The following ZC3H12B variants were observed in gnomAD, a reference collection of about 807,000 sequenced individuals.
The protein encoded by ZC3H12B is zinc finger CCCH-type containing 12B.
In ZC3H12B, 7 loss-of-function variants were observed where a neutral mutation model predicts 43.9. The ratio of observed to expected loss-of-function variants is 0.16; its 90% CI spans 0.09 to 0.30. The LOEUF is 0.30. Ranked by LOEUF, ZC3H12B falls within the 10% of genes least tolerant of loss-of-function variation. The pLI is 1.00. For synonymous variants in ZC3H12B, 222 were observed against 241.7 expected (o/e 0.92, Z 0.76); for missense variants, 475 against 670.2 (o/e 0.71, Z 3.22).
the ZC3H12B span, among the ~76,000 whole-genome samples, chrX:65,051,800 G>T: frequency 1.8e-5 from 2 of 110,257 alleles, no homozygotes; most frequent in Non-Finnish European, 3.8e-5. Context: ...ACTTTGGCAG[G>T]CAGGGGATAG....
chrX:65,340,478 G>A, the ZC3H12B span, among the ~76,000 whole-genome samples: 1 of 111,717 alleles, frequency 9.0e-6, no homozygotes, highest in East Asian at 2.8e-4. Context: ...CAGTGGTCTG[G>A]CAGCACCTCC....
At chrX:65,080,840 G>T in the ZC3H12B span, among the ~76,000 whole-genome samples, 2 of 111,656 alleles carry the variant, frequency 1.8e-5, no homozygotes, top group African/African-American at 3.2e-5. Flanking sequence ...ATTATAACAT[G>T]TCACTGTGGT....
the ZC3H12B span, among the ~76,000 whole-genome samples, chrX:65,184,430 C>T: frequency 2.7e-5 from 3 of 111,193 alleles, no homozygotes; most frequent in African/African-American, 6.5e-5. Context: ...GCAGAACTCC[C>T]CATCCTGCTA....
chrX:65,492,308 G>A (rs759928386), intron 1 of ZC3H12B, among the ~76,000 whole-genome samples: 1 of 112,001 alleles, frequency 8.9e-6, no homozygotes, highest in East Asian at 2.8e-4. Context: ...TGGTTCTTTC[G>A]CTTTTTAAGG....
the ZC3H12B span, among the ~76,000 whole-genome samples, chrX:65,214,124 T>C: frequency 3.6e-5 from 4 of 111,526 alleles, no homozygotes; most frequent in African/African-American, 1.3e-4. Context: ...TGAGTTGTAA[T>C]ATTTTTACTG....
chrX:65,071,794 C>T, the ZC3H12B span, among the ~76,000 whole-genome samples: 2 of 112,029 alleles, frequency 1.8e-5, no homozygotes, highest in African/African-American at 6.5e-5. Flanking sequence ...TTTCTTCTGG[C>T]TTGTAGGATT....
chrX:65,296,206 CA>C, the ZC3H12B span, among the ~76,000 whole-genome samples: 7 of 111,500 alleles, frequency 6.3e-5, no homozygotes. Flanking sequence ...ATGGCATTTG[CA>C]GCAACCTGTA....
chrX:65,246,603 A>T, the ZC3H12B span, among the ~76,000 whole-genome samples: 1 of 111,968 alleles, frequency 8.9e-6, no homozygotes, highest in Non-Finnish European at 1.9e-5. Flanking sequence ...CAGAAATAAG[A>T]TTGCACACCT....
At chrX:65,128,590 T>C in the ZC3H12B span, among the ~76,000 whole-genome samples, 2 of 112,124 alleles carry the variant, frequency 1.8e-5, no homozygotes, top group Non-Finnish European at 3.8e-5. Context: ...GTAGTGTTCT[T>C]GCATTCTTCT....
At chrX:65,316,641 T>C in the ZC3H12B span, among the ~76,000 whole-genome samples, 1 of 111,427 alleles carries the variant, frequency 9.0e-6, no homozygotes, top group Non-Finnish European at 1.9e-5. Context: ...ATAAAGTCCT[T>C]GAGAGTGCTA....
At chrX:65,326,867 A>G in the ZC3H12B span, among the ~76,000 whole-genome samples, 2 of 111,689 alleles carry the variant, frequency 1.8e-5, no homozygotes, top group Non-Finnish European at 3.8e-5. Flanking sequence ...CCACAGATAT[A>G]TGAAAAAGCC....
the ZC3H12B span, among the ~76,000 whole-genome samples, chrX:65,352,031 A>G: frequency 1.1e-4 from 12 of 112,457 alleles, no homozygotes; most frequent in Non-Finnish European, 1.7e-4. Context: ...TGTTTATTGC[A>G]GCACTATTCA....
At chrX:65,129,627 C>A in the ZC3H12B span, among the ~76,000 whole-genome samples, 1 of 111,312 alleles carries the variant, frequency 9.0e-6, no homozygotes, top group Non-Finnish European at 1.9e-5. Flanking sequence ...TTCAGGCCAT[C>A]TGGATGTATA....
At chrX:65,228,903 AAC>A in the ZC3H12B span, among the ~76,000 whole-genome samples, 1 of 112,241 alleles carries the variant, frequency 8.9e-6, no homozygotes, top group African/African-American at 3.2e-5. Flanking sequence ...CAAATGGAAG[AAC>A]ATTCCATGCT....
the ZC3H12B span, among the ~76,000 whole-genome samples, chrX:65,216,150 T>G: frequency 9.0e-6 from 1 of 111,626 alleles, no homozygotes; most frequent in Non-Finnish European, 1.9e-5. Flanking sequence ...AGAAAGCACC[T>G]TCATATGAAC....
chrX:65,393,961 CT>C (rs1322077448), intron 2 of ZC3H12B, among the ~76,000 whole-genome samples: 1 of 112,368 alleles, frequency 8.9e-6, no homozygotes, highest in Non-Finnish European at 1.9e-5. Context: ...TGATGATGAG[CT>C]TTTTTTCATA....
chrX:65,496,964 A>T (rs1417546438), intron 1 of ZC3H12B, among the ~76,000 whole-genome samples, 168 bp from the exon 7 acceptor site: 1 of 107,434 alleles, frequency 9.3e-6, no homozygotes, highest in African/African-American at 3.6e-5. Context: ...AAAAAAAAAA[A>T]GAAAAAAAAG....
At chrX:65,137,446 T>G in the ZC3H12B span, among the ~76,000 whole-genome samples, 1 of 112,160 alleles carries the variant, frequency 8.9e-6, no homozygotes, top group Non-Finnish European at 1.9e-5. Context: ...TTCGTTATGA[T>G]GAAATTCTAT....
the ZC3H12B span, among the ~76,000 whole-genome samples, chrX:65,216,000 G>A: frequency 1.8e-5 from 2 of 111,632 alleles, no homozygotes; most frequent in Non-Finnish European, 3.8e-5. Flanking sequence ...CCACATATGG[G>A]TGTGGTTTGT....
Sources: gnomAD v4.1 joint callset for allele counts (sites outside exome capture counted in the v4.1 genomes callset) on GRCh38, gnomAD v4.1.1 for gene constraint, MANE v1.5 for transcripts, NCBI Gene and HGNC (gene_info 2026-07-23, HGNC 2026-07-21) for gene names.